Variants in PDE7B observed in about 807,000 individuals in gnomAD.
PDE7B encodes phosphodiesterase 7B.
Under a neutral mutation model 56.2 loss-of-function variants are expected in PDE7B, and 29 were observed. The observed-to-expected ratio is 0.52, with a 90% CI of 0.38 to 0.70. PDE7B has a LOEUF of 0.70. Ranked by LOEUF, PDE7B falls within the 30% of genes least tolerant of loss-of-function variation. The pLI, the probability that PDE7B is intolerant of heterozygous loss-of-function variation, is 0.00. For missense variants in PDE7B, 490 were observed against 565.0 expected (o/e 0.87, Z 1.35); for synonymous variants, 197 against 196.9 (o/e 1.00, Z 0.00).
At chr6:136,176,458 A>T (rs1475513900) in intron 9 of PDE7B, among the ~76,000 whole-genome samples, 1 of 152,106 alleles carries the variant, frequency 6.6e-6, no homozygotes, top group Non-Finnish European at 1.5e-5. Context: ...TTTCAATGTC[A>T]ATTACTATAG....
intron 2 of PDE7B, among the ~76,000 whole-genome samples, chr6:136,045,583 T>C (rs1397030783): frequency 6.6e-6 from 1 of 152,168 alleles, no homozygotes; most frequent in Non-Finnish European, 1.5e-5. Context: ...GGAGAAAACT[T>C]GTCAGCCTTG....
chr6:136,047,388 T>C (rs893789262), intron 2 of PDE7B: 3 of 152,254 alleles, frequency 2.0e-5, no homozygotes, highest in Admixed American at 6.5e-5. Context: ...TCATACAATG[T>C]ATTGTATTCT....
chr6:135,859,680 A>G (rs1775108030), intron 1 of PDE7B, among the ~76,000 whole-genome samples: 1 of 151,976 alleles, frequency 6.6e-6, no homozygotes, highest in South Asian at 2.1e-4. Context: ...GTGTGGGTGC[A>G]TGAGAGAGGC....
chr6:135,883,546 C>T (rs186802638), intron 1 of PDE7B, among the ~76,000 whole-genome samples: 138 of 152,244 alleles, frequency 9.1e-4, no homozygotes, highest in African/African-American at 2.9e-3. Context: ...CTGCAATAGA[C>T]GGTGCTTTAG....
chr6:136,165,867 A>G (rs1350784680), intron 8 of PDE7B, among the ~76,000 whole-genome samples: 1 of 152,184 alleles, frequency 6.6e-6, no homozygotes, highest in Non-Finnish European at 1.5e-5. Context: ...AATAGCCATA[A>G]GCCCATTTAA....
At chr6:136,074,038 A>G (rs1777090661) in intron 2 of PDE7B, among the ~76,000 whole-genome samples, 1 of 152,164 alleles carries the variant, frequency 6.6e-6, no homozygotes, top group African/African-American at 2.4e-5. Flanking sequence ...CCTGGCCAAC[A>G]TGGTGAAACC....
chr6:136,051,971 A>G (rs1776637804), intron 2 of PDE7B, among the ~76,000 whole-genome samples: 1 of 151,962 alleles, frequency 6.6e-6, no homozygotes, highest in Non-Finnish European at 1.5e-5. Context: ...AGGCACATGT[A>G]TGGGCTGTTC....
intron 3 of PDE7B, among the ~76,000 whole-genome samples, chr6:136,134,903 A>G (rs1267023408): frequency 6.6e-6 from 1 of 152,060 alleles, no homozygotes; most frequent in Non-Finnish European, 1.5e-5. Flanking sequence ...CCATGACTCA[A>G]ATCAGCCATG....
At chr6:136,053,759 T>C (rs1308603391) in intron 2 of PDE7B, among the ~76,000 whole-genome samples, 1 of 152,114 alleles carries the variant, frequency 6.6e-6, no homozygotes, top group African/African-American at 2.4e-5. Context: ...TTCTAACTGG[T>C]GTGAGATGGT....
At chr6:136,085,088 C>G (rs2128215536) in intron 2 of PDE7B, among the ~76,000 whole-genome samples, 1 of 152,272 alleles carries the variant, frequency 6.6e-6, no homozygotes, top group East Asian at 1.9e-4. Context: ...GATGAACGTT[C>G]CAGGGTTTTT....
At chr6:136,074,003 C>T (rs1777090374) in intron 2 of PDE7B, among the ~76,000 whole-genome samples, 1 of 151,938 alleles carries the variant, frequency 6.6e-6, no homozygotes, top group Non-Finnish European at 1.5e-5. Context: ...TATCTCGTTC[C>T]TATGACAAAA....
chr6:135,981,289 T>TGGGGGGA, intron 2 of PDE7B, among the ~76,000 whole-genome samples: 1 of 55,022 alleles, frequency 1.8e-5, no homozygotes, highest in Non-Finnish European at 3.2e-5. Flanking sequence ...TGTTGTGGGG[T>TGGGGGGA]GGGGGGAGGG....
At chr6:135,987,425 G>A (rs1454022222) in intron 2 of PDE7B, among the ~76,000 whole-genome samples, 5 of 152,112 alleles carry the variant, frequency 3.3e-5, no homozygotes, top group African/African-American at 1.2e-4. Flanking sequence ...TGACTAGGGG[G>A]TTTCTCTCTA....
At chr6:135,986,902 T>C (rs548648294) in intron 2 of PDE7B, among the ~76,000 whole-genome samples, 2 of 152,292 alleles carry the variant, frequency 1.3e-5, no homozygotes, top group East Asian at 3.9e-4. Flanking sequence ...AGGTTTAGAC[T>C]TGTGGAGCAG....
Position 136,191,857 on chromosome 6 carries a change from G to A in PDE7B, c.*17G>A. On this transcript the variant is annotated 3_prime_UTR_variant, in exon 13 of 13. Coordinates refer to ENST00000308191, the MANE Select transcript of PDE7B (RefSeq NM_018945.4). ...AGCCCCTAGGGGCCGGCCCAACTTA[G>A]ACGCGGCTCTCCTCCGGCAGGGCCC... The A allele has an allele frequency of 6.5e-7, 1 of 1,538,438 alleles. No homozygotes were observed. The highest frequency in any genetic ancestry group is 8.8e-7 in the Non-Finnish European group (1 of 1,138,106).
intron 2 of PDE7B, among the ~76,000 whole-genome samples, chr6:136,085,214 C>A (rs1205975192): frequency 1.3e-5 from 2 of 152,192 alleles, no homozygotes; most frequent in African/African-American, 4.8e-5. Flanking sequence ...TTTTTGTCAT[C>A]AGCATTTTAT....
intron 2 of PDE7B, among the ~76,000 whole-genome samples, chr6:135,962,144 C>A (rs982023372): frequency 1.3e-5 from 2 of 152,134 alleles, no homozygotes; most frequent in East Asian, 1.9e-4. Context: ...CCTAAAAAAA[C>A]CAAAGACTTA....
chr6:136,149,452 A>G (rs184249079), intron 5 of PDE7B, among the ~76,000 whole-genome samples: 401 of 152,346 alleles, frequency 2.6e-3, no homozygotes, highest in African/African-American at 9.2e-3. Context: ...TCCAGAAGTA[A>G]GGAGTTCATT....
chr6:136,100,801 T>G (rs1382157002), intron 2 of PDE7B, among the ~76,000 whole-genome samples: 2 of 152,202 alleles, frequency 1.3e-5, no homozygotes, highest in African/African-American at 4.8e-5. Context: ...CTTCCAATAC[T>G]ATATTGAATA....
Sources: allele counts gnomAD v4.1 joint callset (sites outside exome capture counted in the v4.1 genomes callset), GRCh38; gene constraint gnomAD v4.1.1; transcripts MANE v1.5; gene names NCBI Gene and HGNC (gene_info 2026-07-23, HGNC 2026-07-21).